The following IL1RAP variants were observed in gnomAD, a reference collection of about 807,000 sequenced individuals.
IL1RAP encodes the protein interleukin 1 receptor accessory protein.
In IL1RAP, 35 loss-of-function variants were observed where a neutral mutation model predicts 60.7. The observed-to-expected ratio is 0.58, with a 90% CI of 0.44 to 0.76. IL1RAP has a LOEUF of 0.76. IL1RAP is among the 30% of genes least tolerant of loss of function. IL1RAP has a pLI of 0.00. For missense variants in IL1RAP, 572 were observed against 693.9 expected (o/e 0.82, Z 1.97); for synonymous variants, 268 against 250.9 (o/e 1.07, Z -0.64).
intron 3 of IL1RAP, among the ~76,000 whole-genome samples, chr3:190,591,496 G>A (rs182932336): frequency 4.6e-4 from 70 of 152,238 alleles, no homozygotes; most frequent in African/African-American, 1.7e-3. Context: ...TTCATGTATG[G>A]AATGGGGGTA....
chr3:190,624,411 T>A (rs996598575), intron 7 of IL1RAP, among the ~76,000 whole-genome samples: 1 of 152,122 alleles, frequency 6.6e-6, no homozygotes, highest in Non-Finnish European at 1.5e-5. Flanking sequence ...GTGCTCAGAG[T>A]CTTTGTACTA....
At chr3:190,622,878 G>C (rs1731900277) in intron 6 of IL1RAP, among the ~76,000 whole-genome samples, 1 of 152,186 alleles carries the variant, frequency 6.6e-6, no homozygotes, top group Admixed American at 6.5e-5. Context: ...GGATGGGTGA[G>C]AGGCTGGAGA....
chr3:190,630,363 A>G lies in IL1RAP; in HGVS notation c.1051+865A>G, dbSNP rs187080423. On this transcript the variant is annotated intron_variant, in intron 9 of 11. Coordinates refer to ENST00000447382, the MANE Select transcript of IL1RAP (RefSeq NM_002182.4). ...GAAAATCCCTTCAAGGATGTTTTCA[A>G]TGGTCTTGAGAAAAGTAATGATGAG... 1.4e-5 allele frequency: 3 copies of G among 208,110 alleles called. No homozygotes were observed. In the Admixed American group the frequency reaches 2.0e-4, roughly 14 times the overall value. The allele number at this position is 208,110 out of a possible 1,614,324, so 12.9% of individuals were successfully genotyped here.
chr3:190,517,527 C>G (rs966622436), intron 1 of IL1RAP, among the ~76,000 whole-genome samples: 2 of 152,148 alleles, frequency 1.3e-5, no homozygotes, highest in Non-Finnish European at 2.9e-5. Context: ...AAAGTGATGG[C>G]TGGAGGCTCA....
chr3:190,650,502 G>C lies in IL1RAP; in HGVS notation c.*1797G>C. On this transcript the variant is annotated 3_prime_UTR_variant, in exon 12 of 12. Transcript: ENST00000447382. The stretch of plus-strand genomic sequence containing the variant: ...ACAAATATAACTGTAAATGAATCTT[G>C]GTATCCTGTGAAACAGAATAATTCG... 1 of 983,154 alleles carries C rather than the reference G, an allele frequency of 1.0e-6. No individual in the cohort carries two copies. The highest frequency in any genetic ancestry group is 1.2e-6 in the Non-Finnish European group (1 of 827,928). 60.9% of individuals were successfully genotyped at this position (983,154 alleles called of 1,614,324 possible).
At chr3:190,572,855 C>CTTTGTT (rs1727052671) in intron 3 of IL1RAP, among the ~76,000 whole-genome samples, 1 of 57,594 alleles carries the variant, frequency 1.7e-5, no homozygotes, top group African/African-American at 6.7e-5. Context: ...AGGGTTAATG[C>CTTTGTT]TTTGTTTTTT....
At chr3:190,621,198 C>T (rs1010924989) in intron 6 of IL1RAP, among the ~76,000 whole-genome samples, 1 of 152,198 alleles carries the variant, frequency 6.6e-6, no homozygotes, top group Non-Finnish European at 1.5e-5. Context: ...ACATTAGGCT[C>T]ACTGACAAGA....
Position 190,572,860 on chromosome 3 carries a change from T to TTTA in IL1RAP, c.64+8509_64+8510insATT, listed in dbSNP as rs1491492418. On this transcript the variant is annotated intron_variant, in intron 3 of 11. Coordinates refer to ENST00000447382, the MANE Select transcript of IL1RAP (RefSeq NM_002182.4). ...CAGCATGTCCAGGGTTAATGCTTTGTTTTTTTTTTTTTTTTTTTTTTGAGA... is the reference window on the plus strand; with the variant it reads ...CAGCATGTCCAGGGTTAATGCTTTGTTTATTTTTTTTTTTTTTTTTTTTTGAGA... Among the ~76,000 whole-genome samples, 30 of 12,742 alleles carry TTTA rather than the reference T, an allele frequency of 2.4e-3. 6 individuals are homozygous for TTTA. The South Asian group carries it at 0.039, about 17-fold the overall frequency. 8.4% of individuals were successfully genotyped at this position (12,742 alleles called of 152,430 possible).
At chr3:190,580,688 A>G (rs1267675570) in intron 3 of IL1RAP, among the ~76,000 whole-genome samples, 1 of 152,222 alleles carries the variant, frequency 6.6e-6, no homozygotes, top group Non-Finnish European at 1.5e-5. Flanking sequence ...GCAAAGTTTC[A>G]GTTACGCAAG....
chr3:190,546,019 C>T (rs1270211458), intron 1 of IL1RAP, among the ~76,000 whole-genome samples: 2 of 152,168 alleles, frequency 1.3e-5, no homozygotes, highest in East Asian at 1.9e-4. Flanking sequence ...GATGACCTAT[C>T]GATGCCTGTA....
intron 3 of IL1RAP, among the ~76,000 whole-genome samples, chr3:190,595,615 C>T (rs939020755): frequency 2.6e-5 from 4 of 152,234 alleles, no homozygotes; most frequent in African/African-American, 9.6e-5. Context: ...AGTCTCTAGC[C>T]TCAGGCTTAG....
chr3:190,516,956 G>A (rs577082597), intron 1 of IL1RAP, among the ~76,000 whole-genome samples: 201 of 152,312 alleles, frequency 1.3e-3, no homozygotes, highest in Non-Finnish European at 2.3e-3. Flanking sequence ...TTCATGTCTA[G>A]TTTAGGGCAT....
intron 10 of IL1RAP, among the ~76,000 whole-genome samples, chr3:190,645,190 C>G (rs7628357): frequency 0.23 from 34,994 of 152,044 alleles, 4,339 homozygotes; most frequent in African/African-American, 0.31. Flanking sequence ...GGAAGAAACA[C>G]GGAATCGATA....
At chr3:190,653,558 C>G (rs1734496485), downstream of IL1RAP, among the ~76,000 whole-genome samples, 2 of 149,020 alleles carry the variant, frequency 1.3e-5, no homozygotes, top group African/African-American at 5.1e-5. Flanking sequence ...ATAACTCATC[C>G]AGAGGAGAAA....
chr3:190,568,734 C>T (rs1726644260), intron 3 of IL1RAP, among the ~76,000 whole-genome samples: 1 of 152,132 alleles, frequency 6.6e-6, no homozygotes, highest in African/African-American at 2.4e-5. Flanking sequence ...ATTCCAGTTT[C>T]TTGATTTTTA....
intron 1 of IL1RAP, among the ~76,000 whole-genome samples, chr3:190,522,756 G>A (rs974330429): frequency 1.3e-5 from 2 of 152,142 alleles, no homozygotes; most frequent in African/African-American, 4.8e-5. Flanking sequence ...TCATGTGTAG[G>A]AGGAATTAGA....
chr3:190,652,202 C>T (rs749670846), downstream of IL1RAP, among the ~76,000 whole-genome samples: 43 of 151,786 alleles, frequency 2.8e-4, no homozygotes, highest in Non-Finnish European at 5.7e-4. Flanking sequence ...CGGTGGCTCA[C>T]GCTGTAATCC....
chr3:190,594,325 G>C (rs543806777), intron 3 of IL1RAP, among the ~76,000 whole-genome samples: 100 of 152,304 alleles, frequency 6.6e-4, no homozygotes, highest in Non-Finnish European at 1.0e-4. Flanking sequence ...GAAAGTTCAG[G>C]GCTGGTAAGG....
At position 190,564,410 on chromosome 3, in the gene IL1RAP, G is replaced by A. The variant is rs1269746860; in HGVS notation, c.64+57G>A. The A allele has an allele frequency of 9.1e-6, 9 of 993,708 alleles. No homozygotes were observed. In the Admixed American group the frequency reaches 1.4e-4, roughly 15 times the overall value. The allele number at this position is 993,708 out of a possible 1,614,324, so 61.6% of individuals were successfully genotyped here. A position where few individuals can be genotyped will look rare whatever the true frequency, so the allele number is the denominator to read the frequency against. On this transcript the variant is annotated intron_variant, in intron 3 of 11. Transcript: ENST00000447382. Reference sequence around the variant, plus strand: ...ATGCAAGTCATGCGTAGGGTAATGAGTCCACTCTTCCTGAAAATGAATTTA... The same window carrying A: ...ATGCAAGTCATGCGTAGGGTAATGAATCCACTCTTCCTGAAAATGAATTTA...
Sources: allele counts gnomAD v4.1 joint callset (sites outside exome capture counted in the v4.1 genomes callset), GRCh38; gene constraint gnomAD v4.1.1; transcripts MANE v1.5; gene names NCBI Gene and HGNC (gene_info 2026-07-23, HGNC 2026-07-21).